GPM6B: variants seen among roughly 807,000 people sequenced by gnomAD.
GPM6B encodes glycoprotein M6B, also known as neuronal membrane glycoprotein M6-b.
GPM6B carries 4 observed loss-of-function variants against 27.2 expected under a neutral mutation model. The ratio of observed to expected loss-of-function variants is 0.15; its 90% confidence interval spans 0.07 to 0.34. The LOEUF is 0.34. GPM6B is among the 10% of genes least tolerant of loss of function. The pLI is 1.00. For missense variants in GPM6B, 183 were observed against 261.9 expected (o/e 0.70, Z 2.08); for synonymous variants, 124 against 103.1 (o/e 1.20, Z -1.23).
intron 1 of GPM6B, among the ~76,000 whole-genome samples, chrX:13,936,504 A>C (rs1921846340): frequency 8.9e-6 from 1 of 112,229 alleles, no homozygotes; most frequent in African/African-American, 3.2e-5. Flanking sequence ...CATTCATAAG[A>C]GGATGCACGG....
chrX:13,797,556 A>G (rs747219803), intron 2 of GPM6B, among the ~76,000 whole-genome samples: 34 of 111,135 alleles, frequency 3.1e-4, no homozygotes, highest in African/African-American at 1.1e-3. Context: ...AGGTCCCCCC[A>G]TTGCCTGGTC....
At chrX:13,822,077 C>T (rs1194575213), upstream of GPM6B, among the ~76,000 whole-genome samples, 1 of 111,559 alleles carries the variant, frequency 9.0e-6, no homozygotes, top group Non-Finnish European at 1.9e-5. Flanking sequence ...TGAAGGACTC[C>T]TCAGGGGGCA....
At chrX:13,841,138 T>C (rs922729639) in intron 1 of GPM6B, among the ~76,000 whole-genome samples, 1 of 112,300 alleles carries the variant, frequency 8.9e-6, no homozygotes, top group Admixed American at 9.4e-5. Flanking sequence ...AACATATACA[T>C]ATGTATCCAT....
chrX:13,791,733 G>T (rs1287575367), intron 2 of GPM6B, among the ~76,000 whole-genome samples: 2 of 111,627 alleles, frequency 1.8e-5, no homozygotes, highest in African/African-American at 3.3e-5. Flanking sequence ...TCAGGCTTGT[G>T]GATGGCCGTT....
intron 1 of GPM6B, among the ~76,000 whole-genome samples, chrX:13,858,236 G>A (rs1483696641): frequency 3.6e-5 from 4 of 111,469 alleles, no homozygotes; most frequent in African/African-American, 9.8e-5. Flanking sequence ...TCTCCCTTAC[G>A]AGTATCTTTT....
chrX:13,792,439 C>T (rs1242888348), intron 2 of GPM6B, among the ~76,000 whole-genome samples: 1 of 111,405 alleles, frequency 9.0e-6, no homozygotes, highest in Non-Finnish European at 1.9e-5. Context: ...GGACATTTAG[C>T]GGTGTCTGGA....
intron 2 of GPM6B, among the ~76,000 whole-genome samples, chrX:13,786,802 A>G (rs1177481731): frequency 9.0e-6 from 1 of 110,968 alleles, no homozygotes; most frequent in East Asian, 2.8e-4. Flanking sequence ...AGATGTCCAT[A>G]AAGACCTGCC....
chrX:13,820,569 A>C (rs1450421779), upstream of GPM6B, among the ~76,000 whole-genome samples: 1 of 111,044 alleles, frequency 9.0e-6, no homozygotes, highest in Non-Finnish European at 1.9e-5. Context: ...GAGTACAAGA[A>C]GCCCAGTTCT....
chrX:13,805,217 T>TA (rs2049000675), intron 2 of GPM6B, among the ~76,000 whole-genome samples: 1 of 112,420 alleles, frequency 8.9e-6, no homozygotes, highest in Non-Finnish European at 1.9e-5. Context: ...AATTCTCGCT[T>TA]GCAGTAGTAT....
intron 1 of GPM6B, among the ~76,000 whole-genome samples, chrX:13,896,191 G>GA (rs111647322): frequency 9.9e-6 from 1 of 101,190 alleles, no homozygotes; most frequent in Non-Finnish European, 2.0e-5. Context: ...AAAAATAAAA[G>GA]AAAAAAATCT....
chrX:13,793,187 G>C (rs1247228792), intron 2 of GPM6B, among the ~76,000 whole-genome samples: 1 of 111,125 alleles, frequency 9.0e-6, no homozygotes, highest in East Asian at 2.8e-4. Context: ...ATAAAACTTT[G>C]CTCTCCACAA....
At chrX:13,909,453 T>C (rs1299984888) in intron 1 of GPM6B, among the ~76,000 whole-genome samples, 2 of 111,232 alleles carry the variant, frequency 1.8e-5, no homozygotes, top group Middle Eastern at 9.3e-3. Context: ...TACATTAGTA[T>C]GGTATATTTG....
Position 13,772,107 on chromosome X carries a change from C to CA in GPM6B, c.*773dup, listed in dbSNP as rs2048310560. Reference sequence around the variant, plus strand: ...GATATAAATTCTTAGAAATTTAAAGCAAATACTCATTAAGGCAAAGCTGAC... The same window carrying CA: ...GATATAAATTCTTAGAAATTTAAAGCAAAATACTCATTAAGGCAAAGCTGAC... On this transcript the variant is annotated 3_prime_UTR_variant, in exon 8 of 8. Coordinates refer to ENST00000316715, the MANE Select transcript of GPM6B (RefSeq NM_001001995.3). The CA allele has an allele frequency of 8.9e-6, 1 of 112,045 alleles. No individual in the cohort carries two copies. Among genetic ancestry groups the CA allele is most frequent in the African/African-American group, 3.3e-5 (1 of 30,761 alleles). The allele number at this position is 112,045 out of a possible 1,213,427, so 9.2% of individuals were successfully genotyped here. A position where few individuals can be genotyped will look rare whatever the true frequency, so the allele number is the denominator to read the frequency against.
At chrX:13,906,364 A>G (rs1282992157) in intron 1 of GPM6B, among the ~76,000 whole-genome samples, 1 of 112,211 alleles carries the variant, frequency 8.9e-6, no homozygotes, top group African/African-American at 3.2e-5. Context: ...CTCAGCACTA[A>G]AATGGAATCC....
chrX:13,782,811 A>T (rs2048543413), intron 4 of GPM6B, among the ~76,000 whole-genome samples: 1 of 110,734 alleles, frequency 9.0e-6, no homozygotes, highest in East Asian at 2.8e-4. Context: ...AGCTGTACAA[A>T]AACAGGTAGT....
intron 1 of GPM6B, among the ~76,000 whole-genome samples, chrX:13,832,889 A>G (rs1163018253): frequency 2.7e-5 from 3 of 112,051 alleles, no homozygotes; most frequent in Admixed American, 9.5e-5. Flanking sequence ...GAATCTACCA[A>G]TAATATTTTA....
Position 13,816,860 on chromosome X carries a change from T to C in GPM6B, c.45A>G (p.Gln15=), listed in dbSNP as rs1017173465. The change falls in exon 1 of 8, where the codon CAA becomes CAG. Residue 15 remains glutamine, a synonymous_variant. Coordinates refer to ENST00000316715, the MANE Select transcript of GPM6B (RefSeq NM_001001995.3). ...METAAEENTE[Q]SQERKVNSRA... is the part of the protein sequence containing the mutation. Reference sequence around the variant, plus strand: ...GCTGGGTACCTTTTCTCTCTTGGCTTTGTTCAGTATTTTCCTCGGCTGCAG... The same window carrying C: ...GCTGGGTACCTTTTCTCTCTTGGCTCTGTTCAGTATTTTCCTCGGCTGCAG... 3.3e-6 allele frequency: 4 copies of C among 1,207,546 alleles called. No homozygotes were observed. In the Admixed American group the frequency reaches 8.8e-5, roughly 27 times the overall value.
intron 1 of GPM6B, among the ~76,000 whole-genome samples, chrX:13,813,332 AT>A (rs758592761): frequency 1.8e-5 from 2 of 111,500 alleles, no homozygotes; most frequent in South Asian, 7.4e-4. Flanking sequence ...AGATGTATTA[AT>A]TTTTTAAGGA....
intron 1 of GPM6B, among the ~76,000 whole-genome samples, chrX:13,865,759 A>G (rs185366990): frequency 9.3e-6 from 1 of 107,111 alleles, no homozygotes; most frequent in Non-Finnish European, 1.9e-5. Context: ...CCTGTCTCAA[A>G]AAGAAAAAGT....
Sources: gnomAD v4.1 joint callset for allele counts (sites outside exome capture counted in the v4.1 genomes callset) on GRCh38, gnomAD v4.1.1 for gene constraint, MANE v1.5 for transcripts, NCBI Gene and HGNC (gene_info 2026-07-23, HGNC 2026-07-21) for gene names.